NAV1: variants seen among roughly 807,000 people sequenced by gnomAD.
The protein encoded by NAV1 is pore membrane and/or filament interacting like protein 3.
NAV1 carries 18 observed loss-of-function variants against 175.2 expected under a neutral mutation model. The ratio of observed to expected loss-of-function variants is 0.10; its 90% CI spans 0.07 to 0.15. NAV1 has a LOEUF of 0.15. Among genes scored for constraint, NAV1 ranks in the 10% least tolerant of loss-of-function variants. The pLI, the probability that NAV1 is intolerant of heterozygous loss-of-function variation, is 1.00. For missense variants in NAV1, 1,731 were observed against 2,436.6 expected, an observed-to-expected ratio of 0.71 and a Z score of 6.10; for synonymous variants, 897 against 978.7, an observed-to-expected ratio of 0.92 and a Z score of 1.56.
rs1366577474 is a variant in NAV1 at position 201,784,989 on chromosome 1, C to T, written c.2805-321C>T. ...TTCACCGTGTTAGCCAGGATGGTCT[C>T]GATCTCCCGACCTCGTGATCCACCC... On this transcript the variant is annotated intron_variant, in intron 7 of 29. Coordinates refer to ENST00000367296, the Ensembl canonical transcript of NAV1. Among the ~76,000 whole-genome samples the T allele has an allele frequency of 2.0e-5, 3 of 152,194 alleles. No homozygotes were observed. In the East Asian group the frequency reaches 5.8e-4, roughly 29 times the overall value.
chr1:201,790,446 T>C, intron 11 of NAV1, 108 bp from the exon 16 acceptor site: 2 of 1,278,564 alleles, frequency 1.6e-6, no homozygotes, highest in Non-Finnish European at 2.3e-6. Context: ...CACCTCTGAG[T>C]CATGCTTCTT....
chr1:201,661,631 G>C (rs939439411), intron 1 of NAV1, among the ~76,000 whole-genome samples: 7 of 152,122 alleles, frequency 4.6e-5, no homozygotes, highest in Admixed American at 4.6e-4. Flanking sequence ...AGACTCCCCA[G>C]CTCCCAGATC....
At chr1:201,578,110 C>G (rs981798960) in intron 1 of NAV1, among the ~76,000 whole-genome samples, 4 of 152,168 alleles carry the variant, frequency 2.6e-5, no homozygotes, top group Non-Finnish European at 5.9e-5. Context: ...CTTACCAGAA[C>G]TTCAATAACA....
Position 201,810,216 on chromosome 1 carries a change from T to G in NAV1, c.4561+111T>G. 7 of 1,393,208 alleles carry G rather than the reference T, an allele frequency of 5.0e-6. No homozygotes were observed. In the South Asian group the frequency reaches 8.0e-5, roughly 16 times the overall value. 86.3% of individuals were successfully genotyped at this position (1,393,208 alleles called of 1,614,324 possible). A position where few individuals can be genotyped will look rare whatever the true frequency, so the allele number is the denominator to read the frequency against. ...AAGAACTCACTGAGAAGGTATAATA[T>G]GAAGATGCTTAAGTAATGTGAGATA... On this transcript the variant is annotated intron_variant, in intron 23 of 29. Coordinates refer to ENST00000367296, the Ensembl canonical transcript of NAV1. The surrounding 1 kb of genome is among the most constrained non-coding windows in gnomAD (Gnocchi z 6.0).
chr1:201,794,876 C>T (rs974325073), intron 15 of NAV1: 2 of 314,706 alleles, frequency 6.4e-6, no homozygotes, highest in East Asian at 1.3e-4. Context: ...TAGCCCTTTA[C>T]ATTTTTATGC....
At chr1:201,596,038 C>T (rs557654064) in intron 2 of NAV1, among the ~76,000 whole-genome samples, 4 of 152,236 alleles carry the variant, frequency 2.6e-5, no homozygotes, top group Non-Finnish European at 4.4e-5. Context: ...AGCGACCCCA[C>T]GTCTTGATTG....
intron 2 of NAV1, among the ~76,000 whole-genome samples, chr1:201,590,735 C>T (rs190305251): frequency 5.1e-4 from 78 of 152,282 alleles, no homozygotes; most frequent in Admixed American, 3.5e-3. Flanking sequence ...TTAGCCGAGT[C>T]GGCCAGGCCT....
chr1:201,672,948 A>G (rs1018166215), intron 1 of NAV1, among the ~76,000 whole-genome samples: 12 of 152,216 alleles, frequency 7.9e-5, no homozygotes, highest in South Asian at 4.1e-4. Context: ...CTTGGGGTGC[A>G]TGTTAGGCCC....
At chr1:201,638,943 G>T (rs1469698960) in intron 2 of NAV1, among the ~76,000 whole-genome samples, 2 of 152,198 alleles carry the variant, frequency 1.3e-5, no homozygotes, top group African/African-American at 4.8e-5. Context: ...GGATATCTCC[G>T]TGGGATATAA....
chr1:201,761,749 G>T (rs191848054), intron 3 of NAV1, among the ~76,000 whole-genome samples: 2 of 152,116 alleles, frequency 1.3e-5, no homozygotes, highest in Non-Finnish European at 2.9e-5. Flanking sequence ...TTAAGGCATC[G>T]CCTACTTCCA....
chr1:201,653,150 G>A (rs891216053), intron 1 of NAV1, among the ~76,000 whole-genome samples: 2 of 152,130 alleles, frequency 1.3e-5, no homozygotes, highest in African/African-American at 2.4e-5. Flanking sequence ...ATCACAAGTC[G>A]GGGACTGTCT....
In NAV1 at chr1:201,782,353, C is replaced by G; in HGVS notation, c.1841C>G (p.Thr614Arg). ...GGCTACAAGAAGCCTCCTCCTGCCA[C>G]AGGCACAGCCACTGTCATGCAAACT... is the stretch of plus-strand genomic sequence containing the variant. The change falls in exon 6 of 30, where the codon ACA (threonine) becomes AGA (arginine). Residue 614 changes from threonine (T) to arginine (R), a missense_variant. Physicochemically the swap from Thr to Arg is moderately conservative, Grantham distance 71. Around this residue, in one of 13 missense-constraint regions of NAV1, gnomAD observed 634 missense variants for 766.8 expected, o/e 0.83. Transcript: ENST00000367296. This position sits in a 1 kb window ranked among gnomAD's most constrained non-coding sequence, Gnocchi z 5.4. The G allele has an allele frequency of 2.5e-6, 4 of 1,614,168 alleles. No homozygotes were observed. Among genetic ancestry groups the G allele is most frequent in the Non-Finnish European group, 2.5e-6 (3 of 1,180,018 alleles).
intron 1 of NAV1, among the ~76,000 whole-genome samples, chr1:201,665,337 T>C (rs375736468): frequency 5.3e-5 from 8 of 152,082 alleles, no homozygotes; most frequent in African/African-American, 1.9e-4. Flanking sequence ...GTACAATGTG[T>C]TCTCATTGTG....
At chr1:201,576,013 T>C (rs894585777) in intron 1 of NAV1, among the ~76,000 whole-genome samples, 1 of 152,226 alleles carries the variant, frequency 6.6e-6, no homozygotes, top group Non-Finnish European at 1.5e-5. Flanking sequence ...GGATACCCTT[T>C]ACCCAGCTTC....
chr1:201,676,149 G>C (rs973642929), intron 1 of NAV1, among the ~76,000 whole-genome samples: 15 of 152,068 alleles, frequency 9.9e-5, no homozygotes, highest in Non-Finnish European at 1.8e-4. Flanking sequence ...TCTGAGATAG[G>C]GTGTTAATGA....
intron 1 of NAV1, among the ~76,000 whole-genome samples, chr1:201,572,751 A>G (rs1474104933): frequency 6.6e-6 from 1 of 152,198 alleles, no homozygotes; most frequent in Non-Finnish European, 1.5e-5. Flanking sequence ...GCAAGTCATC[A>G]CAAGACTCAA....
At chr1:201,585,938 C>T (rs1046877111) in intron 1 of NAV1, among the ~76,000 whole-genome samples, 4 of 152,168 alleles carry the variant, frequency 2.6e-5, no homozygotes, top group Middle Eastern at 3.4e-3. Context: ...AATAGAATTG[C>T]CATATGATTC....
rs1678766613 is a variant in NAV1, at chr1:201,812,716, T to C, written c.5221+55T>C. 11 of 1,475,400 alleles carry C rather than the reference T, an allele frequency of 7.5e-6. No homozygotes were observed. In the South Asian group the frequency reaches 1.3e-4, roughly 17 times the overall value. 91.4% of individuals were successfully genotyped at this position (1,475,400 alleles called of 1,614,324 possible). A position where few individuals can be genotyped will look rare whatever the true frequency, so the allele number is the denominator to read the frequency against. On this transcript the variant is annotated intron_variant, in intron 27 of 29. Coordinates refer to ENST00000367296, the Ensembl canonical transcript of NAV1. This position sits in a 1 kb window ranked among gnomAD's most constrained non-coding sequence, Gnocchi z 4.6. ...AGGAGGTGGCTTCCCTTTTCCACTG[T>C]ACCACCTGGAGGGATGCTCCCTTCT...
chr1:201,651,047 T>C (rs927300007), intron 1 of NAV1, among the ~76,000 whole-genome samples: 4 of 151,522 alleles, frequency 2.6e-5, no homozygotes, highest in South Asian at 2.1e-4. Flanking sequence ...AGGAGGGATA[T>C]GGACAAAATG....
Sources: allele counts gnomAD v4.1 joint callset (sites outside exome capture counted in the v4.1 genomes callset), GRCh38; gene constraint gnomAD v4.1.1; regional missense constraint gnomAD v4.1.1; non-coding constraint Gnocchi (gnomAD v3.1); transcripts MANE v1.5; gene names NCBI Gene and HGNC (gene_info 2026-07-23, HGNC 2026-07-21).